The following ZNF782 variants were observed in gnomAD, a reference collection of about 807,000 sequenced individuals.
ZNF782 encodes zinc finger protein 782.
A neutral mutation model predicts 13.0 loss-of-function variants in ZNF782; 12 were observed. The ratio of observed to expected loss-of-function variants is 0.92; its 90% CI spans 0.59 to 1.50. ZNF782 has a LOEUF of 1.50. Ranked by LOEUF, ZNF782 falls within the 40% of genes most tolerant of loss-of-function variation. The pLI is 0.00. For synonymous variants in ZNF782, 284 were observed against 283.0 expected, an observed-to-expected ratio of 1.00 and a Z score of -0.04; for missense variants, 770 against 822.9, an observed-to-expected ratio of 0.94 and a Z score of 0.79.
In ZNF782 at chr9:96,824,569, A is replaced by T. The variant is rs1342717353; in HGVS notation, c.244+2511T>A. 6.7e-5 allele frequency among the ~76,000 whole-genome samples: 10 copies of T among 149,302 alleles called. No individual in the cohort carries two copies. The South Asian group carries it at 2.2e-3, about 33-fold the overall frequency. ...GTTCTGGCCAGGGCAATTAGGCAGG[A>T]GAAGGAAATAAAGGGTATTCAATTA... is the stretch of plus-strand genomic sequence containing the variant. On this transcript the variant is annotated intron_variant, in intron 5 of 5. Transcript: ENST00000481138.
rs1850189986 is a variant in ZNF782 at position 96,816,897 on chromosome 9, A to G, written c.*1026T>C. On this transcript the variant is annotated 3_prime_UTR_variant, in exon 6 of 6. Transcript: ENST00000481138. ...GTCCTATGTGACTTTTCTGACATACACTGAGTTCAGATGTCCTGAAAAATC... is the reference window on the plus strand; with the variant it reads ...GTCCTATGTGACTTTTCTGACATACGCTGAGTTCAGATGTCCTGAAAAATC... The G allele has an allele frequency of 6.6e-6, 1 of 152,226 alleles. No individual in the cohort carries two copies. Among genetic ancestry groups the G allele is most frequent in the African/African-American group, 2.4e-5 (1 of 41,448 alleles). 9.4% of individuals were successfully genotyped at this position (152,226 alleles called of 1,614,324 possible).
intron 4 of ZNF782, 37 bp downstream of exon 4, chr9:96,844,853 G>C: frequency 6.2e-7 from 1 of 1,613,498 alleles, no homozygotes; most frequent in South Asian, 1.1e-5. Flanking sequence ...AAACAGAACT[G>C]CACTCTGGAG....
At chr9:96,843,679 G>A (rs1851256537) in intron 4 of ZNF782, among the ~76,000 whole-genome samples, 1 of 152,270 alleles carries the variant, frequency 6.6e-6, no homozygotes, top group Non-Finnish European at 1.5e-5. Flanking sequence ...TCTATTTACT[G>A]GTGTTGATAG....
chr9:96,932,535 G>C, the ZNF782 span: 8 of 1,298,738 alleles, frequency 6.2e-6, no homozygotes, highest in South Asian at 1.0e-4. Flanking sequence ...AGGGTGATGG[G>C]TTGTGCTATG....
chr9:96,920,739 C>A, the ZNF782 span, among the ~76,000 whole-genome samples: 5 of 148,576 alleles, frequency 3.4e-5, no homozygotes, highest in African/African-American at 1.0e-4. Context: ...CATGATGAAA[C>A]CCCATCTCTA....
chr9:96,835,105 T>C (rs1268526868), intron 4 of ZNF782, among the ~76,000 whole-genome samples: 1 of 152,220 alleles, frequency 6.6e-6, no homozygotes, highest in African/African-American at 2.4e-5. Flanking sequence ...GGTGGCTGTA[T>C]TGTCTCCATG....
At chr9:96,897,159 G>A in the ZNF782 span, among the ~76,000 whole-genome samples, 1 of 152,218 alleles carries the variant, frequency 6.6e-6, no homozygotes, top group Non-Finnish European at 1.5e-5. Flanking sequence ...GTGCTCTGAA[G>A]TCACTGTCAA....
chr9:96,881,097 G>T, the ZNF782 span, among the ~76,000 whole-genome samples: 3 of 151,852 alleles, frequency 2.0e-5, no homozygotes, highest in African/African-American at 4.8e-5. Flanking sequence ...AATGTCTGTA[G>T]GTTCTATAGT....
chr9:96,909,970 T>C, the ZNF782 span: 2 of 453,696 alleles, frequency 4.4e-6, no homozygotes, highest in East Asian at 7.4e-5. Flanking sequence ...AGCTCCTTGC[T>C]CGCCGCGGCT....
intron 3 of ZNF782, among the ~76,000 whole-genome samples, chr9:96,848,665 A>G (rs538482885): frequency 2.1e-4 from 32 of 152,362 alleles, no homozygotes; most frequent in African/African-American, 7.0e-4. Context: ...AACACTGCTG[A>G]AAGAAATCAC....
the ZNF782 span, chr9:96,887,910 T>C: frequency 4.0e-5 from 6 of 150,626 alleles, no homozygotes; most frequent in African/African-American, 1.5e-4. Context: ...CAGCAAACTA[T>C]TGCAAAGACA....
chr9:96,876,533 C>G (rs891587121), upstream of ZNF782, among the ~76,000 whole-genome samples: 1 of 152,142 alleles, frequency 6.6e-6, no homozygotes, highest in African/African-American at 2.4e-5. Flanking sequence ...AGCCCCTAGA[C>G]GTTAAGGTAC....
At chr9:96,892,274 C>T in the ZNF782 span, 7 of 152,184 alleles carry the variant, frequency 4.6e-5, no homozygotes, top group South Asian at 2.1e-4. Context: ...TGGGAACAAC[C>T]GAAATGTGCA....
intron 1 of ZNF782, among the ~76,000 whole-genome samples, chr9:96,875,081 G>A (rs80058397): frequency 2.0e-3 from 308 of 152,318 alleles, no homozygotes; most frequent in African/African-American, 6.9e-3. Context: ...CTGGTTTTAG[G>A]CAGGTGTGAT....
chr9:96,925,978 G>A, the ZNF782 span, among the ~76,000 whole-genome samples: 8 of 132,632 alleles, frequency 6.0e-5, no homozygotes, highest in Non-Finnish European at 9.0e-5. Context: ...GAGAGCAGGG[G>A]CCAGAGGACT....
At chr9:96,931,382 G>A in the ZNF782 span, among the ~76,000 whole-genome samples, 3 of 151,190 alleles carry the variant, frequency 2.0e-5, no homozygotes, top group Non-Finnish European at 4.4e-5. Context: ...GAGCCACCAA[G>A]CCACCGAGAG....
At chr9:96,877,268 C>T (rs1851905076), upstream of ZNF782, among the ~76,000 whole-genome samples, 1 of 152,264 alleles carries the variant, frequency 6.6e-6, no homozygotes, top group Non-Finnish European at 1.5e-5. Flanking sequence ...CCCGTGAACA[C>T]ACCCGTGAAG....
the ZNF782 span, among the ~76,000 whole-genome samples, chr9:96,903,334 C>A: frequency 6.6e-6 from 1 of 151,876 alleles, no homozygotes; most frequent in East Asian, 1.9e-4. Context: ...GCTTCTTTCA[C>A]TCAGAATGTT....
intron 4 of ZNF782, among the ~76,000 whole-genome samples, chr9:96,836,246 T>C (rs1357017741): frequency 2.0e-5 from 3 of 150,518 alleles, no homozygotes; most frequent in Non-Finnish European, 4.4e-5. Flanking sequence ...CAAGTCTTGC[T>C]CTGTTGCCCA....
Sources: allele counts gnomAD v4.1 joint callset (sites outside exome capture counted in the v4.1 genomes callset), GRCh38; gene constraint gnomAD v4.1.1; transcripts MANE v1.5; gene names NCBI Gene and HGNC (gene_info 2026-07-23, HGNC 2026-07-21).